AHCTF1: variants seen among roughly 807,000 people sequenced by gnomAD.
AHCTF1 encodes the protein AT-hook containing transcription factor 1.
A neutral mutation model predicts 248.4 loss-of-function variants in AHCTF1; 24 were observed. The ratio of observed to expected loss-of-function variants is 0.10; its 90% CI spans 0.07 to 0.14. The LOEUF is 0.14. AHCTF1 is among the 10% of genes least tolerant of loss of function. The pLI, the probability that AHCTF1 is intolerant of heterozygous loss-of-function variation, is 1.00. For synonymous variants in AHCTF1, 786 were observed against 929.8 expected (o/e 0.85, Z 2.81); for missense variants, 2,206 against 2,636.2 (o/e 0.84, Z 3.57).
At chr1:246,882,366 G>A (rs1008078380) in intron 21 of AHCTF1, among the ~76,000 whole-genome samples, 2 of 152,084 alleles carry the variant, frequency 1.3e-5, no homozygotes, top group Non-Finnish European at 2.9e-5. Flanking sequence ...ATCACATTAT[G>A]TGATTACAAA....
In AHCTF1 at chr1:246,853,227, C is replaced by A. The variant is rs113767945; in HGVS notation, c.4427G>T (p.Arg1476Leu). 49 of 1,613,708 alleles carry A rather than the reference C, an allele frequency of 3.0e-5. No homozygotes were observed. In the African/African-American group the frequency reaches 4.3e-4, roughly 14 times the overall value. ...CAGCGCTACTTCCTGGTTAAGCCTG[C>A]GCTCAGAGACAATAGGACCTTCAGA... ...TISEGPIVSE[R>L]RLNQEVALNL... is the part of the protein sequence containing the mutation. Residue 1476 changes from arginine (R) to leucine (L), a missense_variant, in exon 32 of 36, where the codon CGC (arginine) becomes CTC (leucine). This residue lies in a region of AHCTF1 where 955 missense variants were observed against 1,055.6 expected (regional missense o/e 0.90). Coordinates refer to ENST00000648844, the MANE Select transcript of AHCTF1 (RefSeq NM_001323342.2).
At chr1:246,869,052 G>C (rs374435402) in intron 24 of AHCTF1, among the ~76,000 whole-genome samples, 4 of 151,548 alleles carry the variant, frequency 2.6e-5, no homozygotes, top group African/African-American at 9.7e-5. Context: ...CACCATGTTG[G>C]CCAGGATGGT....
Position 246,855,755 on chromosome 1 carries a change from AG to A in AHCTF1, c.4328del (p.Pro1443LeufsTer40). 6.2e-7 allele frequency: 1 copy of A among 1,612,734 alleles called. No homozygotes were observed. The highest frequency in any genetic ancestry group is 8.5e-7 in the Non-Finnish European group (1 of 1,179,320). Reference sequence around the variant, plus strand: ...ATTTATTGTCATTTGCTCTAATTGCAGGGGTGTAGGTTTCAACAGATGTTAA... The same window carrying A: ...ATTTATTGTCATTTGCTCTAATTGCAGGGTGTAGGTTTCAACAGATGTTAA... ...EGLTSVETYT[P>X]AIRANDNKSM... On this transcript the variant is annotated frameshift_variant, in exon 31 of 36. Coordinates refer to ENST00000648844, the MANE Select transcript of AHCTF1 (RefSeq NM_001323342.2). LOFTEE classifies it high-confidence loss of function.
At position 246,917,234 on chromosome 1, in the gene AHCTF1, G is replaced by A. The variant is rs759499255; in HGVS notation, c.122-839C>T. ...TGACTGGAGATTCAACTTAGAGGGA[G>A]AACTAATTGGATTTCCTTGCTGATG... On this transcript the variant is annotated intron_variant, in intron 2 of 35. Transcript: ENST00000648844. 4.7e-4 allele frequency among the ~76,000 whole-genome samples: 72 copies of A among 152,346 alleles called. 1 individual carries two copies. The Middle Eastern group carries it at 0.031, about 65-fold the overall frequency.
intron 4 of AHCTF1, among the ~76,000 whole-genome samples, chr1:246,910,653 AT>A: frequency 6.6e-6 from 1 of 152,344 alleles, no homozygotes; most frequent in East Asian, 1.9e-4. Context: ...ACTCAGACTC[AT>A]ATATTAATAT....
In AHCTF1 at chr1:246,890,001, G is replaced by A; in HGVS notation, c.2109C>T (p.Tyr703=). ...GCTCAAACTTCTGTCGACGACTGGT[G>A]TAGTAGTTCTGAATTACAGGGTAGT... is the stretch of plus-strand genomic sequence containing the variant. ...CYNYPVIQNY[Y]TSRRQKFERL... The change falls in exon 17 of 36, where the codon TAC becomes TAT. Residue 703 remains tyrosine, a synonymous_variant. Coordinates refer to ENST00000648844, the MANE Select transcript of AHCTF1 (RefSeq NM_001323342.2). 2 of 1,612,606 alleles carry A rather than the reference G, an allele frequency of 1.2e-6. No homozygotes were observed.
intron 30 of AHCTF1, 120 bp downstream of exon 30, chr1:246,857,571 C>A: frequency 1.8e-6 from 2 of 1,091,008 alleles, no homozygotes; most frequent in Non-Finnish European, 2.5e-6. Flanking sequence ...GCCAACATTA[C>A]CAAAATGGAG....
At chr1:246,864,316 C>CACAT (rs1302850471) in intron 26 of AHCTF1, 200 bp from the exon 27 acceptor site, 3 of 503,794 alleles carry the variant, frequency 6.0e-6, no homozygotes, top group Non-Finnish European at 1.0e-5. Context: ...TTAAGAACTG[C>CACAT]ACATAGCAAC....
rs1341723958 is a variant in AHCTF1 at position 246,876,944 on chromosome 1, T to C, written c.2937+6A>G. ...ATCCCCCATAATAAGACAACTTTAA[T>C]CGTACCATAACATTAATCTTCAGAG... On this transcript the variant is annotated splice_donor_region_variant and intron_variant, in intron 23 of 35. Transcript: ENST00000648844. 1 of 1,611,416 alleles carries C rather than the reference T, an allele frequency of 6.2e-7. No homozygotes were observed. Among genetic ancestry groups the C allele is most frequent in the Non-Finnish European group, 8.5e-7 (1 of 1,179,640 alleles).
In AHCTF1 at chr1:246,861,156, T is replaced by C; in HGVS notation, c.3875A>G (p.Asp1292Gly). ...TTTCTCTAAACTTTGTGACCCCTCA[T>C]CCATTTCTTGATGCTCCTTTTCAGG... ...NSPEKEHQEM[D>G]EGSQSLEKLD... The change falls in exon 29 of 36, where the codon GAT (aspartate) becomes GGT (glycine). Residue 1292 changes from aspartate to glycine, a missense_variant. Around this residue, in one of 6 missense-constraint regions of AHCTF1, gnomAD observed 955 missense variants for 1,055.6 expected, o/e 0.90. Coordinates refer to ENST00000648844, the MANE Select transcript of AHCTF1 (RefSeq NM_001323342.2). 3 of 1,613,820 alleles carry C rather than the reference T, an allele frequency of 1.9e-6. No homozygotes were observed. Among genetic ancestry groups the C allele is most frequent in the East Asian group, 2.2e-5 (1 of 44,882 alleles).
intron 35 of AHCTF1, among the ~76,000 whole-genome samples, chr1:246,841,523 T>C (rs1332681585): frequency 1.3e-5 from 2 of 152,194 alleles, no homozygotes; most frequent in Non-Finnish European, 2.9e-5. Flanking sequence ...AATTCAACCA[T>C]GCCTACTAAG....
intron 20 of AHCTF1, 28 bp downstream of exon 20, chr1:246,887,183 A>C: frequency 6.4e-7 from 1 of 1,572,202 alleles, no homozygotes; most frequent in Non-Finnish European, 8.6e-7. Flanking sequence ...AATTCATGAA[A>C]GTTTATGCTG....
At chr1:246,878,032 C>T (rs1663103075) in intron 21 of AHCTF1, among the ~76,000 whole-genome samples, 1 of 151,350 alleles carries the variant, frequency 6.6e-6, no homozygotes, top group Non-Finnish European at 1.5e-5. Context: ...TAGGTCTTGA[C>T]CCAATGATCC....
chr1:246,919,416 A>G (rs1263516303), intron 1 of AHCTF1, among the ~76,000 whole-genome samples: 1 of 152,174 alleles, frequency 6.6e-6, no homozygotes, highest in Non-Finnish European at 1.5e-5. Context: ...GCTAGGTTAT[A>G]TGGAAATCCT....
At chr1:246,910,093 A>G (rs536892450) in intron 4 of AHCTF1, among the ~76,000 whole-genome samples, 1 of 152,356 alleles carries the variant, frequency 6.6e-6, no homozygotes, top group Non-Finnish European at 1.5e-5. Context: ...AGCACTTCCA[A>G]ACTACCTTGC....
chr1:246,891,279 A>G (rs187040324), intron 15 of AHCTF1, among the ~76,000 whole-genome samples: 1 of 152,326 alleles, frequency 6.6e-6, no homozygotes, highest in East Asian at 1.9e-4. Context: ...AAATGCTAAA[A>G]TAAGTAAGTC....
At chr1:246,891,203 C>G (rs1246115796) in intron 15 of AHCTF1, 143 bp from the exon 16 acceptor site, 1 of 493,808 alleles carries the variant, frequency 2.0e-6, no homozygotes. Context: ...ATATGTATCT[C>G]TCTTGAACTA....
chr1:246,858,448 G>A (rs572020820), intron 29 of AHCTF1, among the ~76,000 whole-genome samples: 3 of 152,246 alleles, frequency 2.0e-5, no homozygotes, highest in African/African-American at 4.8e-5. Flanking sequence ...AGCTCATGAC[G>A]CATACTCAGT....
intron 21 of AHCTF1, among the ~76,000 whole-genome samples, chr1:246,882,854 C>G (rs1663549448): frequency 6.6e-6 from 1 of 152,148 alleles, no homozygotes; most frequent in African/African-American, 2.4e-5. Context: ...GAGAAGCTAC[C>G]AGCATGAAGT....
Sources: gnomAD v4.1 joint callset for allele counts (sites outside exome capture counted in the v4.1 genomes callset) on GRCh38, gnomAD v4.1.1 for gene constraint, gnomAD v4.1.1 regional missense constraint, MANE v1.5 for transcripts, NCBI Gene and HGNC (gene_info 2026-07-23, HGNC 2026-07-21) for gene names.